LGI2: variants seen among roughly 807,000 people sequenced by gnomAD.
LGI2 encodes the protein leucine rich repeat LGI family member 2, also known as leucine-rich repeat LGI family member 2.
Under a neutral mutation model 52.0 loss-of-function variants are expected in LGI2, and 30 were observed. The ratio of observed to expected loss-of-function variants is 0.58; its 90% CI spans 0.43 to 0.78. The LOEUF is 0.78. LGI2 is among the 30% of genes least tolerant of loss of function. The pLI, the probability that LGI2 is intolerant of heterozygous loss-of-function variation, is 0.00. For missense variants in LGI2, 573 were observed against 692.5 expected (o/e 0.83, Z 1.94); for synonymous variants, 270 against 271.8 (o/e 0.99, Z 0.06).
rs117970305 is a variant in LGI2 at position 25,023,545 on chromosome 4, A to G, written c.413+1275T>C. ...AATCAAGTGTTTGCTTGGCCTATTG[A>G]CAACCCCCTTTGCCAATATCGGGGC... On this transcript the variant is annotated intron_variant, in intron 4 of 7. Transcript: ENST00000382114. 4.4e-3 allele frequency among the ~76,000 whole-genome samples: 667 copies of G among 152,244 alleles called. 29 individuals carry two copies. In the East Asian group the frequency reaches 0.096, roughly 22 times the overall value.
chr4:25,000,744 C>T lies in LGI2; in HGVS notation c.*2707G>A, dbSNP rs1378098382. 1 of 152,244 alleles carries T rather than the reference C, an allele frequency of 6.6e-6. No homozygotes were observed. The highest frequency in any genetic ancestry group is 2.4e-5 in the African/African-American group (1 of 41,460). 9.4% of individuals were successfully genotyped at this position (152,244 alleles called of 1,614,324 possible). On this transcript the variant is annotated 3_prime_UTR_variant, in exon 8 of 8. Transcript: ENST00000382114. ...AAAGTAGAAGAAAGATCCACCCCCT[C>T]CTTCAAGCTGATCTCCACTGGGGAC...
intron 7 of LGI2, among the ~76,000 whole-genome samples, chr4:25,011,493 C>G (rs564335903): frequency 3.3e-5 from 5 of 152,218 alleles, no homozygotes; most frequent in Non-Finnish European, 7.4e-5. Context: ...CCCCACATCC[C>G]TGTACCTGCT....
In LGI2 at chr4:25,001,680, T is replaced by A. The variant is rs1725242362; in HGVS notation, c.*1771A>T. The A allele has an allele frequency of 6.7e-6, 1 of 150,204 alleles. No individual in the cohort carries two copies. Among genetic ancestry groups the A allele is most frequent in the East Asian group, 2.0e-4 (1 of 4,984 alleles). 9.3% of individuals were successfully genotyped at this position (150,204 alleles called of 1,614,324 possible). ...ACAACACTACTATGCGTGGGTGAGT[T>A]CGTTCATTAAAATCCGTGGTTTCTG... On this transcript the variant is annotated 3_prime_UTR_variant, in exon 8 of 8. Coordinates refer to ENST00000382114, the MANE Select transcript of LGI2 (RefSeq NM_018176.4).
At chr4:25,022,511 C>G (rs1279425911) in intron 4 of LGI2, among the ~76,000 whole-genome samples, 1 of 152,160 alleles carries the variant, frequency 6.6e-6, no homozygotes, top group African/African-American at 2.4e-5. Context: ...CTAACGCATT[C>G]CATGCTCGCT....
chr4:25,022,017 A>T (rs189319137), intron 4 of LGI2, among the ~76,000 whole-genome samples: 1 of 151,848 alleles, frequency 6.6e-6, no homozygotes, highest in Non-Finnish European at 1.5e-5. Context: ...GAAGCCATCC[A>T]TCCATTAGCA....
At chr4:25,030,425 G>C in intron 1 of LGI2, 72 bp downstream of exon 1, 1 of 1,500,110 alleles carries the variant, frequency 6.7e-7, no homozygotes, top group South Asian at 1.2e-5. Flanking sequence ...CCCGGCGCCA[G>C]AGGCAACTCC....
rs536670888 is a variant in LGI2, at chr4:25,027,691, A to G, written c.270-752T>C. The stretch of plus-strand genomic sequence containing the variant: ...CCATTTATCCAAATTTTTCTATAGC[A>G]CATTGCTTGTTTTAATTTCAGTCTC... On this transcript the variant is annotated intron_variant, in intron 2 of 7. Transcript: ENST00000382114. 1.4e-3 allele frequency among the ~76,000 whole-genome samples: 220 copies of G among 152,360 alleles called. 1 individual carries two copies. Among genetic ancestry groups the G allele is most frequent in the African/African-American group, 4.9e-3 (204 of 41,580 alleles).
chr4:25,018,038 T>C lies in LGI2; in HGVS notation c.606A>G (p.Glu202=), dbSNP rs964156587. The stretch of plus-strand genomic sequence containing the variant: ...AGCTGGTCACGTCATTTAGCTTCTT[T>C]TCCTGATACTCTGGTGGACCAATAC... ...VLCIGPPEYQ[E]KKLNDVTSFD... Residue 202 remains glutamate, a synonymous_variant, in exon 6 of 8, where the codon GAA becomes GAG. Coordinates refer to ENST00000382114, the MANE Select transcript of LGI2 (RefSeq NM_018176.4). The C allele has an allele frequency of 8.7e-6, 14 of 1,613,052 alleles. No homozygotes were observed. In the African/African-American group the frequency reaches 1.7e-4, roughly 20 times the overall value.
chr4:25,023,176 A>G (rs1049096934), intron 4 of LGI2, among the ~76,000 whole-genome samples: 6 of 152,182 alleles, frequency 3.9e-5, no homozygotes, highest in Non-Finnish European at 8.8e-5. Context: ...ATGTACAGCA[A>G]TCCTATGAAA....
chr4:25,021,927 T>G (rs1725974547), intron 4 of LGI2, among the ~76,000 whole-genome samples: 1 of 102,220 alleles, frequency 9.8e-6, no homozygotes, highest in Non-Finnish European at 1.8e-5. Context: ...AGAGATTCCA[T>G]CTCAAAAAAA....
At chr4:24,994,540 G>C (rs539390131), downstream of LGI2, among the ~76,000 whole-genome samples, 1 of 152,150 alleles carries the variant, frequency 6.6e-6, no homozygotes, top group East Asian at 1.9e-4. Context: ...AACTGAACAC[G>C]CTAAAACCAA....
rs866563070 is a variant in LGI2, at chr4:25,028,006, T to A, written c.269+501A>T. Among the ~76,000 whole-genome samples the A allele has an allele frequency of 2.6e-5, 4 of 152,320 alleles. No homozygotes were observed. The South Asian group carries it at 8.3e-4, about 32-fold the overall frequency. On this transcript the variant is annotated intron_variant, in intron 2 of 7. Coordinates refer to ENST00000382114, the MANE Select transcript of LGI2 (RefSeq NM_018176.4). ...TTAAGTTCCCTGAACCTCAGTTTCC[T>A]TATCTATCAAATGGGATCATAAGCA...
intron 3 of LGI2, 118 bp downstream of exon 3, chr4:25,026,749 TG>T: frequency 1.3e-6 from 1 of 764,740 alleles, no homozygotes; most frequent in Non-Finnish European, 2.4e-6. Flanking sequence ...GAGAATGGGG[TG>T]TTCTCCAGTT....
chr4:25,016,460 T>C (rs1432029056), intron 6 of LGI2, among the ~76,000 whole-genome samples: 1 of 152,234 alleles, frequency 6.6e-6, no homozygotes. Flanking sequence ...TGCCACCTTT[T>C]GGTGCAAATG....
At chr4:24,993,915 G>A (rs1413165111), downstream of LGI2, among the ~76,000 whole-genome samples, 2 of 152,198 alleles carry the variant, frequency 1.3e-5, no homozygotes, top group East Asian at 1.9e-4. Flanking sequence ...TGGGGGGTTG[G>A]AGTGTCATTT....
At chr4:25,026,985 T>C (rs1316964108) in intron 2 of LGI2, 46 bp from the exon 3 acceptor site, 1 of 1,406,400 alleles carries the variant, frequency 7.1e-7, no homozygotes, top group Non-Finnish European at 1.0e-6. Context: ...AAAACTTGAG[T>C]CACATGGTAA....
chr4:24,996,465 T>C (rs1725084262), downstream of LGI2, among the ~76,000 whole-genome samples: 1 of 152,186 alleles, frequency 6.6e-6, no homozygotes, highest in African/African-American at 2.4e-5. Flanking sequence ...AAAATATTTG[T>C]AAGTGACAAT....
downstream of LGI2, among the ~76,000 whole-genome samples, chr4:24,994,710 C>T (rs2109394704): frequency 6.6e-6 from 1 of 152,226 alleles, no homozygotes; most frequent in African/African-American, 2.4e-5. Context: ...CAATGTAACC[C>T]TTATCAGTCA....
At chr4:25,020,542 C>T (rs1213337849) in intron 4 of LGI2, among the ~76,000 whole-genome samples, 4 of 152,218 alleles carry the variant, frequency 2.6e-5, no homozygotes, top group African/African-American at 9.6e-5. Flanking sequence ...CATATGAATG[C>T]AAACAGCAAA....
Sources: gnomAD v4.1 joint callset for allele counts (sites outside exome capture counted in the v4.1 genomes callset) on GRCh38, gnomAD v4.1.1 for gene constraint, MANE v1.5 for transcripts, NCBI Gene and HGNC (gene_info 2026-07-23, HGNC 2026-07-21) for gene names.